Variants in TRPM2 observed in about 807,000 individuals in gnomAD.
TRPM2 encodes transient receptor potential cation channel subfamily M member 2.
TRPM2 carries 161 observed loss-of-function variants against 174.0 expected under a neutral mutation model. The observed-to-expected ratio is 0.93, with a 90% CI of 0.81 to 1.05. The LOEUF is 1.05. TRPM2 is among the 50% of genes least tolerant of loss of function. The pLI is 0.00. For synonymous variants in TRPM2, 954 were observed against 861.3 expected, an observed-to-expected ratio of 1.11 and a Z score of -1.88; for missense variants, 2,057 against 2,038.0, an observed-to-expected ratio of 1.01 and a Z score of -0.18.
chr21:44,402,197 C>G (rs1354914362), intron 16 of TRPM2, among the ~76,000 whole-genome samples: 1 of 152,166 alleles, frequency 6.6e-6, no homozygotes, highest in Non-Finnish European at 1.5e-5. Context: ...TGAGTATGTC[C>G]CTTCCCCCAG....
At chr21:44,402,113 C>T (rs9983843) in intron 16 of TRPM2, among the ~76,000 whole-genome samples, 5,795 of 152,206 alleles carry the variant, frequency 0.038, 321 homozygotes, top group African/African-American at 0.12. Flanking sequence ...CCCTGCTTTC[C>T]CTCGGCCCAG....
upstream of TRPM2, chr21:44,353,516 C>G: frequency 6.4e-6 from 5 of 776,272 alleles, no homozygotes; most frequent in African/African-American, 1.8e-5. Flanking sequence ...ATGAAGAGAA[C>G]CGGATGAGGG....
In TRPM2 at chr21:44,427,097, G is replaced by C. The variant is rs1360188542; in HGVS notation, c.3960G>C (p.Gln1320His). The change falls in exon 27 of 32, where the codon CAG (glutamine) becomes CAC (histidine). Residue 1320 changes from glutamine to histidine, a missense_variant. Transcript: ENST00000397928. ...GCTTCCACGGGCCGTACACAGTGCA[G>C]GCCGGGTTGCCCCTGTGAGTGTGCC... is the stretch of plus-strand genomic sequence containing the variant. ...RRSFHGPYTV[Q>H]AGLPLNPMGR... The C allele has an allele frequency of 6.3e-7, 1 of 1,596,090 alleles. No individual in the cohort carries two copies. Among genetic ancestry groups the C allele is most frequent in the Admixed American group, 1.7e-5 (1 of 57,436 alleles).
chr21:44,403,666 T>TAC (rs199559027), intron 16 of TRPM2, among the ~76,000 whole-genome samples: 5,787 of 149,244 alleles, frequency 0.039, 299 homozygotes, highest in African/African-American at 0.12. Flanking sequence ...CACACATGCA[T>TAC]ACACACATGC....
At chr21:44,377,378 C>T (rs1188375345) in intron 6 of TRPM2, among the ~76,000 whole-genome samples, 1 of 152,156 alleles carries the variant, frequency 6.6e-6, no homozygotes, top group Non-Finnish European at 1.5e-5. Flanking sequence ...CCCAAGAAAG[C>T]AGGCAGGGGT....
intron 11 of TRPM2, among the ~76,000 whole-genome samples, chr21:44,393,984 T>C (rs1196014852): frequency 6.6e-6 from 1 of 152,148 alleles, no homozygotes. Flanking sequence ...TTGAGTCTCT[T>C]GCCTAAGCCT....
chr21:44,361,155 AT>A (rs1569013784), intron 2 of TRPM2, among the ~76,000 whole-genome samples: 1 of 152,078 alleles, frequency 6.6e-6, no homozygotes, highest in East Asian at 1.9e-4. Context: ...TATTATTATT[AT>A]TATTTTTGAT....
Position 44,375,838 on chromosome 21 carries a change from C to T in TRPM2, c.777C>T (p.Ser259=). 6.2e-7 allele frequency: 1 copy of T among 1,610,810 alleles called. No homozygotes were observed. The highest frequency in any genetic ancestry group is 1.1e-5 in the South Asian group (1 of 90,956). ...RREGLIHPTG[S]FPAEYILDED... Reference sequence around the variant, plus strand: ...ACGCTTCCTGGCCATCCCAGGGCAGCTTCCCCGCCGAGTACATACTGGATG... The same window carrying T: ...ACGCTTCCTGGCCATCCCAGGGCAGTTTCCCCGCCGAGTACATACTGGATG... The change falls in exon 6 of 32, where the codon AGC becomes AGT. Residue 259 remains serine (S), a synonymous_variant. Transcript: ENST00000397928.
Position 44,428,136 on chromosome 21 carries a change from C to G in TRPM2, c.3974+1025C>G, listed in dbSNP as rs150640765. ...GCACCATGCTTCTGTTGTGGACTTG[C>G]GAATCATATTTTCATTATATTTCCT... is the stretch of plus-strand genomic sequence containing the variant. On this transcript the variant is annotated intron_variant, in intron 27 of 31. Transcript: ENST00000397928. Among the ~76,000 whole-genome samples the G allele has an allele frequency of 5.8e-4, 89 of 152,226 alleles. No homozygotes were observed. In the East Asian group the frequency reaches 0.015, roughly 26 times the overall value.
At chr21:44,380,699 G>C (rs1428664557) in intron 8 of TRPM2, among the ~76,000 whole-genome samples, 2 of 152,212 alleles carry the variant, frequency 1.3e-5, no homozygotes, top group Non-Finnish European at 2.9e-5. Context: ...GAGTTGCAGA[G>C]CTACCCTCGG....
intron 9 of TRPM2, among the ~76,000 whole-genome samples, chr21:44,390,102 G>A (rs2049127988): frequency 6.6e-6 from 1 of 152,060 alleles, no homozygotes; most frequent in African/African-American, 2.4e-5. Context: ...TCGATCTCCT[G>A]ACCTCATGAT....
At position 44,354,310 on chromosome 21, in the gene TRPM2, G is replaced by A. The variant is rs1300881512; in HGVS notation, c.166-338G>A. Among the ~76,000 whole-genome samples, 1 of 152,188 alleles carries A rather than the reference G, an allele frequency of 6.6e-6. No individual in the cohort carries two copies. Among genetic ancestry groups the A allele is most frequent in the African/African-American group, 2.4e-5 (1 of 41,440 alleles). On this transcript the variant is annotated intron_variant, in intron 1 of 31. Transcript: ENST00000397928. The surrounding 1 kb of genome is among the most constrained non-coding windows in gnomAD (Gnocchi z 4.3). ...GCAGGAGGGTGGCTGCCCTTTTTCC[G>A]ATGGTGCAAGATCCAGGTCCCCAGA...
chr21:44,431,100 A>C (rs1340191633), intron 27 of TRPM2, among the ~76,000 whole-genome samples: 1 of 149,890 alleles, frequency 6.7e-6, no homozygotes, highest in African/African-American at 2.5e-5. Flanking sequence ...CTTCCTTTCT[A>C]CTTCTTATGG....
At chr21:44,390,838 AT>A (rs2049149537) in intron 9 of TRPM2, 65 bp from the exon 10 acceptor site, 1 of 1,605,402 alleles carries the variant, frequency 6.2e-7, no homozygotes, top group Non-Finnish European at 8.5e-7. Context: ...CTCTGACATC[AT>A]TTCCCTGGAG....
At chr21:44,412,316 C>T (rs73375994) in intron 19 of TRPM2, among the ~76,000 whole-genome samples, 2,351 of 152,088 alleles carry the variant, frequency 0.015, 68 homozygotes, top group African/African-American at 0.053. Context: ...CTCCAGTCAC[C>T]TTTGGTAGTT....
intron 3 of TRPM2, among the ~76,000 whole-genome samples, chr21:44,365,619 G>A (rs2048336652): frequency 1.3e-5 from 2 of 152,184 alleles, no homozygotes; most frequent in African/African-American, 4.8e-5. Flanking sequence ...TGGCAGTGGT[G>A]GGTTTGAATC....
chr21:44,436,441 C>G (rs932412798), intron 28 of TRPM2, among the ~76,000 whole-genome samples: 5 of 152,020 alleles, frequency 3.3e-5, no homozygotes, highest in African/African-American at 1.2e-4. Context: ...ACTCTCTGCT[C>G]CCCAGTCCTT....
chr21:44,366,640 A>T lies in TRPM2; in HGVS notation c.424-114A>T, dbSNP rs536420112. 5.6e-4 allele frequency: 799 copies of T among 1,424,440 alleles called. 2 individuals carry two copies. Among genetic ancestry groups the T allele is most frequent in the Non-Finnish European group, 7.4e-4 (769 of 1,034,154 alleles). The allele number at this position is 1,424,440 out of a possible 1,614,324, so 88.2% of individuals were successfully genotyped here. ...GACCCCTTTTCTGGGTCTGAGCCGG[A>T]AAGGTGTGCGGTGTCTGCCGCCCGC... On this transcript the variant is annotated intron_variant, in intron 3 of 31. Transcript: ENST00000397928. The surrounding 1 kb of genome is among the most constrained non-coding windows in gnomAD (Gnocchi z 6.0).
At chr21:44,436,137 A>C (rs1316459964) in intron 28 of TRPM2, among the ~76,000 whole-genome samples, 1 of 152,004 alleles carries the variant, frequency 6.6e-6, no homozygotes, top group African/African-American at 2.4e-5. Flanking sequence ...ACTCCTCTGC[A>C]CTCCAGCAGC....
Sources: allele counts gnomAD v4.1 joint callset (sites outside exome capture counted in the v4.1 genomes callset), GRCh38; gene constraint gnomAD v4.1.1; non-coding constraint Gnocchi (gnomAD v3.1); transcripts MANE v1.5; gene names NCBI Gene and HGNC (gene_info 2026-07-23, HGNC 2026-07-21).